VSIG4: variants seen among roughly 807,000 people sequenced by gnomAD.
VSIG4 encodes the protein V-set and immunoglobulin domain containing 4, also known as V-set and immunoglobulin domain-containing protein 4.
Under a neutral mutation model 23.4 loss-of-function variants are expected in VSIG4, and 34 were observed. The ratio of observed to expected loss-of-function variants is 1.45; its 90% CI spans 1.10 to 1.93. The LOEUF is 1.93. Ranked by LOEUF, VSIG4 falls within the 30% of genes most tolerant of loss-of-function variation. The pLI is 0.00. For synonymous variants in VSIG4, 169 were observed against 120.3 expected (o/e 1.41, Z -2.65); for missense variants, 433 against 310.8 (o/e 1.39, Z -2.96).
At chrX:66,034,663 G>A (rs1260583161) in intron 1 of VSIG4, among the ~76,000 whole-genome samples, 8 of 107,491 alleles carry the variant, frequency 7.4e-5, no homozygotes, top group African/African-American at 2.7e-4. Flanking sequence ...GTCTAGAGAG[G>A]AAAAGGTTCT....
chrX:66,033,555 A>C lies in VSIG4; in HGVS notation c.331T>G (p.Tyr111Asp). 8.3e-7 allele frequency: 1 copy of C among 1,211,479 alleles called. No individual in the cohort carries two copies. The highest frequency in any genetic ancestry group is 1.1e-6 in the Non-Finnish European group (1 of 895,418). Residue 111 changes from tyrosine (Y) to aspartate (D), a missense_variant, in exon 2 of 8, where the codon TAC becomes GAC. Tyr to Asp is a radical substitution (Grantham distance 160). Transcript: ENST00000374737. The part of the protein sequence containing the change: ...STLEMDDRSH[Y>D]TCEVTWQTPD... ...GTCTGCCAGGTGACTTCACACGTGT[A>C]GTGGCTCCGGTCATCCATCTCCAGG...
chrX:66,035,301 G>A (rs1188013985), intron 1 of VSIG4, among the ~76,000 whole-genome samples: 1 of 112,013 alleles, frequency 8.9e-6, no homozygotes, highest in Non-Finnish European at 1.9e-5. Context: ...TACAAGAGGG[G>A]CAGATTTTGG....
intron 3 of VSIG4, 22 bp from the exon 4 acceptor site, chrX:66,028,134 T>A: frequency 8.4e-7 from 1 of 1,188,398 alleles, no homozygotes; most frequent in Non-Finnish European, 1.1e-6. Context: ...AGGGAACCGA[T>A]TGAAGGGACC....
rs144910764 is a variant in VSIG4, at chrX:66,032,581, C to T, written c.581G>A (p.Ser194Asn). ...NQEPIKVATL[S>N]TLLFKPAVIA... ...CACCGCAGGCTTGAAGAGTAAGGTA[C>T]TTAGGGTTGCTACTTTGATGGGTTC... The change falls in exon 3 of 8, where the codon AGT (serine) becomes AAT (asparagine). Residue 194 changes from serine (S) to asparagine (N), a missense_variant. Ser to Asn is a conservative substitution (Grantham distance 46). Coordinates refer to ENST00000374737, the MANE Select transcript of VSIG4 (RefSeq NM_007268.3). 13 of 1,209,751 alleles carry T rather than the reference C, an allele frequency of 1.1e-5. No homozygotes were observed. The African/African-American group carries it at 2.1e-4, about 20-fold the overall frequency.
intron 2 of VSIG4, 147 bp from the exon 3 acceptor site, chrX:66,032,896 G>A: frequency 1.6e-6 from 1 of 633,065 alleles, no homozygotes; most frequent in Non-Finnish European, 2.3e-6. Flanking sequence ...AAATAAGAAG[G>A]AAAGGGCAAT....
At chrX:66,036,192 C>T (rs1311145079) in intron 1 of VSIG4, among the ~76,000 whole-genome samples, 2 of 110,090 alleles carry the variant, frequency 1.8e-5, no homozygotes, top group African/African-American at 3.3e-5. Flanking sequence ...ATTATGCTTC[C>T]GTTCCTTTTT....
intron 5 of VSIG4, 64 bp downstream of exon 5, chrX:66,027,385 G>A (rs1360695767): frequency 8.2e-6 from 8 of 975,723 alleles, no homozygotes; most frequent in South Asian, 2.1e-5. Context: ...GTGCATAAGG[G>A]AAAGTTTTGG....
chrX:66,035,613 G>A (rs1229304877), intron 1 of VSIG4, among the ~76,000 whole-genome samples: 1 of 111,936 alleles, frequency 8.9e-6, no homozygotes, highest in East Asian at 2.8e-4. Flanking sequence ...GCCATAGATA[G>A]TTCACACCTC....
At chrX:66,023,277 G>A (rs1005594389) in intron 6 of VSIG4, among the ~76,000 whole-genome samples, 2 of 110,527 alleles carry the variant, frequency 1.8e-5, no homozygotes, top group Admixed American at 9.6e-5. Flanking sequence ...GCTGATGGCC[G>A]TGACCCAAGA....
intron 3 of VSIG4, among the ~76,000 whole-genome samples, chrX:66,029,170 G>T (rs2085435043): frequency 9.0e-6 from 1 of 111,600 alleles, no homozygotes; most frequent in Non-Finnish European, 1.9e-5. Context: ...GATAAGTCTG[G>T]ATAGGTAGGC....
At chrX:66,026,906 G>A (rs771078273) in intron 5 of VSIG4, among the ~76,000 whole-genome samples, 1 of 111,401 alleles carries the variant, frequency 9.0e-6, no homozygotes, top group African/African-American at 3.3e-5. Flanking sequence ...GTGTGAGAGT[G>A]TTCTATTATT....
intron 1 of VSIG4, among the ~76,000 whole-genome samples, chrX:66,036,656 T>TATA (rs1555961145): frequency 1.5e-5 from 1 of 65,178 alleles, no homozygotes; most frequent in African/African-American, 6.4e-5. Context: ...AATAATATAA[T>TATA]ATATAATATA....
intron 3 of VSIG4, 61 bp from the exon 4 acceptor site, chrX:66,028,173 C>T (rs1317991694): frequency 3.8e-6 from 4 of 1,041,145 alleles, no homozygotes; most frequent in Non-Finnish European, 5.4e-6. Flanking sequence ...AGTTTAATGC[C>T]CTAGGGAAAT....
intron 1 of VSIG4, 69 bp downstream of exon 1, chrX:66,039,875 A>T: frequency 2.6e-6 from 3 of 1,170,322 alleles, no homozygotes; most frequent in Non-Finnish European, 3.5e-6. Flanking sequence ...CATAGTAGAC[A>T]TTAAACACCA....
chrX:66,021,880 C>T lies in VSIG4; in HGVS notation c.*383G>A. 1 of 336,945 alleles carries T rather than the reference C, an allele frequency of 3.0e-6. No individual in the cohort carries two copies. The highest frequency in any genetic ancestry group is 5.3e-6 in the Non-Finnish European group (1 of 187,473). 27.8% of individuals were successfully genotyped at this position (336,945 alleles called of 1,213,427 possible). A position where few individuals can be genotyped will look rare whatever the true frequency, so the allele number is the denominator to read the frequency against. ...CTGGCCCTGAAGAAAGAGAAATGAT[C>T]CTGGATATAGCTGGTCCTCTGAGCT... On this transcript the variant is annotated 3_prime_UTR_variant, in exon 8 of 8. Transcript: ENST00000374737.
chrX:66,036,811 TTA>T (rs1569245089), intron 1 of VSIG4, among the ~76,000 whole-genome samples: 4 of 39,561 alleles, frequency 1.0e-4, no homozygotes, highest in Non-Finnish European at 1.5e-4. Context: ...TTATATAATA[TTA>T]TATATTATTA....
Position 66,033,520 on chromosome X carries a change from GC to G in VSIG4, c.365del (p.Gly122AlafsTer5). On this transcript the variant is annotated frameshift_variant, in exon 2 of 8. Transcript: ENST00000374737. LOFTEE classifies it high-confidence loss of function. ...TAATCTTATCTCTCACGACTTGGTT[GC>G]CATCAGGAGTCTGCCAGGTGACTTC... ...TCEVTWQTPD[G>X]NQVVRDKITE... 8.3e-7 allele frequency: 1 copy of G among 1,211,022 alleles called. No homozygotes were observed. Among genetic ancestry groups the G allele is most frequent in the Non-Finnish European group, 1.1e-6 (1 of 895,140 alleles).
chrX:66,039,088 G>T (rs948400714), intron 1 of VSIG4, among the ~76,000 whole-genome samples: 1 of 111,748 alleles, frequency 8.9e-6, no homozygotes, highest in Non-Finnish European at 1.9e-5. Flanking sequence ...TCCTCCTTTG[G>T]GATTTGTATC....
chrX:66,037,842 C>T (rs2085636257), intron 1 of VSIG4, among the ~76,000 whole-genome samples: 1 of 80,322 alleles, frequency 1.2e-5, no homozygotes, highest in Non-Finnish European at 2.2e-5. Context: ...GTCCTGAGAC[C>T]CAGCCTTATA....
Sources: allele counts gnomAD v4.1 joint callset (sites outside exome capture counted in the v4.1 genomes callset), GRCh38; gene constraint gnomAD v4.1.1; transcripts MANE v1.5; gene names NCBI Gene and HGNC (gene_info 2026-07-23, HGNC 2026-07-21).